Variants in FHIT observed in about 807,000 individuals in gnomAD.
The protein encoded by FHIT is fragile histidine triad diadenosine triphosphatase.
A neutral mutation model predicts 17.9 loss-of-function variants in FHIT; 19 were observed. The ratio of observed to expected loss-of-function variants is 1.06; its 90% CI spans 0.74 to 1.56. The LOEUF is 1.56. Among genes scored for constraint, FHIT ranks in the 40% most tolerant of loss-of-function variants. The pLI is 0.00. For missense variants in FHIT, 248 were observed against 189.2 expected (o/e 1.31, Z -1.82); for synonymous variants, 81 against 69.7 (o/e 1.16, Z -0.81).
At chr3:60,641,948 GA>G (rs2039735099) in intron 4 of FHIT, among the ~76,000 whole-genome samples, 1 of 151,504 alleles carries the variant, frequency 6.6e-6, no homozygotes, top group South Asian at 2.1e-4. Flanking sequence ...CAAAGAAAGA[GA>G]ACATGTTATC....
chr3:60,753,000 G>A (rs373806948), intron 4 of FHIT, among the ~76,000 whole-genome samples: 80 of 152,224 alleles, frequency 5.3e-4, no homozygotes, highest in African/African-American at 1.9e-3. Context: ...GGCCTACTAA[G>A]TCTTTAAGAA....
chr3:60,497,112 C>A (rs974758261), intron 5 of FHIT, among the ~76,000 whole-genome samples: 7 of 151,936 alleles, frequency 4.6e-5, no homozygotes, highest in African/African-American at 1.7e-4. Flanking sequence ...TTATTCACAA[C>A]TAGGAGGGGG....
intron 5 of FHIT, among the ~76,000 whole-genome samples, chr3:60,429,922 T>C (rs1209719517): frequency 1.3e-5 from 2 of 152,054 alleles, no homozygotes; most frequent in Non-Finnish European, 2.9e-5. Context: ...CATACCTCCC[T>C]GCCTTCACTG....
chr3:59,823,590 A>T (rs1319855880), intron 8 of FHIT, among the ~76,000 whole-genome samples: 1 of 152,218 alleles, frequency 6.6e-6, no homozygotes, highest in African/African-American at 2.4e-5. Flanking sequence ...AGAATTAAAA[A>T]AAAAATCACA....
chr3:60,717,001 A>G (rs1258731404), intron 4 of FHIT, among the ~76,000 whole-genome samples: 4 of 152,342 alleles, frequency 2.6e-5, no homozygotes, highest in African/African-American at 9.6e-5. Flanking sequence ...TGCAACACGA[A>G]TGAACCTGGG....
chr3:60,421,108 T>C (rs967253521), intron 5 of FHIT, among the ~76,000 whole-genome samples: 4 of 152,020 alleles, frequency 2.6e-5, no homozygotes, highest in African/African-American at 7.2e-5. Context: ...GAAAAACTGC[T>C]TTTCTTCATT....
At chr3:60,717,554 G>A (rs542725108) in intron 4 of FHIT, among the ~76,000 whole-genome samples, 19 of 152,238 alleles carry the variant, frequency 1.2e-4, no homozygotes, top group South Asian at 8.3e-4. Flanking sequence ...GAGCAGCAGC[G>A]CAGGTTGTAC....
intron 3 of FHIT, among the ~76,000 whole-genome samples, chr3:60,955,635 C>CATATATATATATATATATATACACAT (rs1553778580): frequency 2.1e-5 from 1 of 48,346 alleles, no homozygotes; most frequent in Non-Finnish European, 4.4e-5. Context: ...TATATATATA[C>CATATATATATATATATATATACACAT]ACACACACAC....
At position 60,269,775 on chromosome 3, in the gene FHIT, A is replaced by G. The variant is rs547402688; in HGVS notation, c.104-255623T>C. Among the ~76,000 whole-genome samples the G allele has an allele frequency of 7.2e-5, 11 of 152,328 alleles. No homozygotes were observed. The East Asian group carries it at 2.1e-3, about 29-fold the overall frequency. On this transcript the variant is annotated intron_variant, in intron 5 of 9. Transcript: ENST00000492590. The stretch of plus-strand genomic sequence containing the variant: ...GAAGCAGATAGAAATGTTGGAACAA[A>G]TAAGAGTTTAAGAAAGGAATCTGTA...
chr3:60,711,639 A>C (rs369363821), intron 4 of FHIT, among the ~76,000 whole-genome samples: 1 of 152,386 alleles, frequency 6.6e-6, no homozygotes, highest in East Asian at 1.9e-4. Context: ...CAGAGGCCTC[A>C]GGAGCCAATG....
chr3:61,151,575 C>CTTTT (rs58140463), intron 2 of FHIT, among the ~76,000 whole-genome samples: 1 of 129,266 alleles, frequency 7.7e-6, no homozygotes, highest in African/African-American at 2.8e-5. Flanking sequence ...CTTTTCTTTT[C>CTTTT]TTTTTTTTTT....
rs552019916 is a variant in FHIT at position 60,714,426 on chromosome 3, C to A, written c.-18+107493G>T. Among the ~76,000 whole-genome samples the A allele has an allele frequency of 5.4e-3, 823 of 152,240 alleles. 7 individuals are homozygous for A. The highest frequency in any genetic ancestry group is 9.1e-3 in the South Asian group (44 of 4,830). On this transcript the variant is annotated intron_variant, in intron 4 of 9. Transcript: ENST00000492590. ...CCTATTCAACATAGTGTTGGAAGTT[C>A]TGGCCAGGGCAATTAGGCAGGAGGA...
intron 7 of FHIT, among the ~76,000 whole-genome samples, chr3:59,968,467 GA>G (rs11410877): frequency 0.022 from 3,285 of 149,030 alleles, 122 homozygotes; most frequent in African/African-American, 0.074. Flanking sequence ...ACACAAAAAG[GA>G]AAAAAAAAAT....
At chr3:61,148,134 T>C (rs1252410152) in intron 2 of FHIT, among the ~76,000 whole-genome samples, 1 of 151,964 alleles carries the variant, frequency 6.6e-6, no homozygotes, top group Non-Finnish European at 1.5e-5. Flanking sequence ...TTATTTTCTT[T>C]TAATTTTTAT....
intron 5 of FHIT, among the ~76,000 whole-genome samples, chr3:60,487,481 G>A (rs939775403): frequency 3.3e-5 from 5 of 152,244 alleles, no homozygotes; most frequent in Admixed American, 1.3e-4. Context: ...TCTGCTCTAC[G>A]ACACCTGGAA....
chr3:59,897,915 C>T (rs540984392), intron 8 of FHIT, among the ~76,000 whole-genome samples: 8 of 152,126 alleles, frequency 5.3e-5, no homozygotes, highest in South Asian at 2.1e-4. Flanking sequence ...TACAGGCACC[C>T]GCCACCACGC....
intron 5 of FHIT, among the ~76,000 whole-genome samples, chr3:60,363,754 G>A (rs1331880160): frequency 1.3e-5 from 2 of 151,918 alleles, no homozygotes; most frequent in East Asian, 1.9e-4. Flanking sequence ...AGCTTCCCTG[G>A]CCCCCCTGGC....
Position 60,123,123 on chromosome 3 carries a change from C to T in FHIT, c.104-108971G>A, listed in dbSNP as rs77395209. 5.4e-3 allele frequency among the ~76,000 whole-genome samples: 816 copies of T among 152,066 alleles called. 5 individuals carry two copies. Among genetic ancestry groups the T allele is most frequent in the African/African-American group, 0.018 (753 of 41,472 alleles). ...ATATTAAAGTAGGCTTAAGCAAGCA[C>T]GGAAAAGAAAGCCAGTGAGAGAAAA... On this transcript the variant is annotated intron_variant, in intron 5 of 9. Transcript: ENST00000492590.
chr3:59,757,826 A>T (rs771872788), intron 8 of FHIT, among the ~76,000 whole-genome samples: 3 of 152,214 alleles, frequency 2.0e-5, no homozygotes, highest in Non-Finnish European at 4.4e-5. Context: ...ATAAAGTCTC[A>T]AAAGGAAAAT....
Sources: gnomAD v4.1 joint callset for allele counts (sites outside exome capture counted in the v4.1 genomes callset) on GRCh38, gnomAD v4.1.1 for gene constraint, MANE v1.5 for transcripts, NCBI Gene and HGNC (gene_info 2026-07-23, HGNC 2026-07-21) for gene names.